DNAI1: variants seen among roughly 807,000 people sequenced by gnomAD.
DNAI1 encodes the protein dynein axonemal intermediate chain 1.
DNAI1 carries 67 observed loss-of-function variants against 92.0 expected under a neutral mutation model. The observed-to-expected ratio is 0.73, with a 90% CI of 0.60 to 0.89. The LOEUF (loss-of-function observed/expected upper bound fraction) is 0.89. Among genes scored for constraint, DNAI1 ranks in the 40% least tolerant of loss-of-function variants. The pLI, the probability that DNAI1 is intolerant of heterozygous loss-of-function variation, is 0.00. For synonymous variants in DNAI1, 323 were observed against 319.6 expected (o/e 1.01, Z -0.11); for missense variants, 839 against 866.6 (o/e 0.97, Z 0.40).
At chr9:34,465,133 A>C (rs1824014052) in intron 1 of DNAI1, among the ~76,000 whole-genome samples, 1 of 152,238 alleles carries the variant, frequency 6.6e-6, no homozygotes, top group Non-Finnish European at 1.5e-5. Flanking sequence ...GGAAAGGACA[A>C]TTTCAGAGTG....
chr9:34,495,144 T>C (rs1824694361), intron 9 of DNAI1, among the ~76,000 whole-genome samples: 1 of 152,314 alleles, frequency 6.6e-6, no homozygotes, highest in East Asian at 1.9e-4. Flanking sequence ...ATTTGTCTGA[T>C]CTGAATAATT....
chr9:34,491,207 G>T (rs192320015), intron 7 of DNAI1: 2 of 508,624 alleles, frequency 3.9e-6, no homozygotes, highest in Admixed American at 6.4e-5. Context: ...CATCCTGCAG[G>T]TCTGTTCATC....
intron 1 of DNAI1, among the ~76,000 whole-genome samples, chr9:34,468,655 C>T (rs1259445219): frequency 3.3e-5 from 5 of 151,772 alleles, no homozygotes; most frequent in South Asian, 2.1e-4. Context: ...AAAAAAACCT[C>T]GTCTCTACAA....
intron 15 of DNAI1, among the ~76,000 whole-genome samples, chr9:34,512,653 T>C (rs185655360): frequency 6.6e-6 from 1 of 152,362 alleles, no homozygotes; most frequent in African/African-American, 2.4e-5. Context: ...TGTTCCTGTT[T>C]ATGCAGATCA....
intron 16 of DNAI1, among the ~76,000 whole-genome samples, chr9:34,513,709 A>G (rs1825116705): frequency 6.6e-6 from 1 of 152,148 alleles, no homozygotes; most frequent in Non-Finnish European, 1.5e-5. Flanking sequence ...CAGAATGTTA[A>G]TTACAGGCAG....
At chr9:34,499,920 A>G (rs529469490) in intron 10 of DNAI1, among the ~76,000 whole-genome samples, 17 of 152,274 alleles carry the variant, frequency 1.1e-4, no homozygotes, top group African/African-American at 4.1e-4. Flanking sequence ...TTGTACTCAC[A>G]CTGGTTGTTC....
chr9:34,497,210 AAG>A lies in DNAI1; in HGVS notation c.901+12_901+13del, dbSNP rs758674810. 6.2e-7 allele frequency: 1 copy of A among 1,606,074 alleles called. No homozygotes were observed. Among genetic ancestry groups the A allele is most frequent in the South Asian group, 1.1e-5 (1 of 90,932 alleles). ...ATGACATTGCTCAAGGTAAGAGTTG[AAG>A]TTCTGGCAACCACTATTATTGCCTG... On this transcript the variant is annotated intron_variant, in intron 10 of 19. Coordinates refer to ENST00000242317, the MANE Select transcript of DNAI1 (RefSeq NM_012144.4).
chr9:34,514,795 C>G, intron 18 of DNAI1, 56 bp downstream of exon 18: 1 of 1,571,026 alleles, frequency 6.4e-7, no homozygotes, highest in Admixed American at 1.7e-5. Context: ...GGTGTGTTAT[C>G]TCAGGGGCTT....
At chr9:34,480,038 A>C (rs565255988) in intron 1 of DNAI1, among the ~76,000 whole-genome samples, 1 of 152,138 alleles carries the variant, frequency 6.6e-6, no homozygotes, top group Non-Finnish European at 1.5e-5. Context: ...CCAAGATCAC[A>C]CAAGTGGTCA....
chr9:34,489,931 G>A lies in DNAI1; in HGVS notation c.389-81G>A, dbSNP rs971990991. On this transcript the variant is annotated intron_variant, in intron 5 of 19. Coordinates refer to ENST00000242317, the MANE Select transcript of DNAI1 (RefSeq NM_012144.4). ...ACACTCAGGCCAAGGAAAACCCCAG[G>A]CAGAAACCAAGAAAGCCCTCCCTGC... 3.2e-6 allele frequency: 5 copies of A among 1,572,308 alleles called. No individual in the cohort carries two copies. The African/African-American group carries it at 5.4e-5, about 17-fold the overall frequency.
At position 34,517,429 on chromosome 9, in the gene DNAI1, A is replaced by G. The variant is rs961247679; in HGVS notation, c.1963A>G (p.Ser655Gly). ...IVGDDRGHII[S>G]LKLSPNLRKM... ...GGGCGATGACCGTGGGCACATCATC[A>G]GCCTCAAGCTCTCACCCAATTTGCG... Residue 655 changes from serine to glycine, a missense_variant, in exon 19 of 20, where the codon AGC becomes GGC. Physicochemically the swap from Ser to Gly is moderately conservative, Grantham distance 56. Coordinates refer to ENST00000242317, the MANE Select transcript of DNAI1 (RefSeq NM_012144.4). 1 of 1,614,208 alleles carries G rather than the reference A, an allele frequency of 6.2e-7. No individual in the cohort carries two copies. The highest frequency in any genetic ancestry group is 8.5e-7 in the Non-Finnish European group (1 of 1,180,048).
chr9:34,477,777 A>C (rs1824265463), intron 1 of DNAI1, among the ~76,000 whole-genome samples: 1 of 152,104 alleles, frequency 6.6e-6, no homozygotes, highest in Non-Finnish European at 1.5e-5. Flanking sequence ...GTGGCAGTTT[A>C]GGGTGAAAAA....
At chr9:34,512,530 T>G in intron 15 of DNAI1, 106 bp downstream of exon 15, 8 of 1,113,332 alleles carry the variant, frequency 7.2e-6, no homozygotes. Flanking sequence ...CTCCCCAACC[T>G]GTGCCAGGGC....
intron 4 of DNAI1, among the ~76,000 whole-genome samples, chr9:34,487,332 C>CCCG: frequency 6.6e-6 from 1 of 152,132 alleles, no homozygotes; most frequent in South Asian, 2.1e-4. Flanking sequence ...ACTACAGGCG[C>CCCG]CCGCCACCAC....
chr9:34,513,595 C>T (rs541273695), intron 16 of DNAI1, among the ~76,000 whole-genome samples: 4 of 152,306 alleles, frequency 2.6e-5, no homozygotes, highest in East Asian at 1.9e-4. Flanking sequence ...TGGAACCTCA[C>T]GGTCAGTTTC....
At chr9:34,482,787 G>A (rs574339879) in intron 1 of DNAI1, among the ~76,000 whole-genome samples, 143 of 152,386 alleles carry the variant, frequency 9.4e-4, no homozygotes, top group Middle Eastern at 3.4e-3. Context: ...TTGGGTGGTC[G>A]ATGGGACTGG....
intron 18 of DNAI1, 114 bp downstream of exon 18, chr9:34,514,853 G>T (rs1248052760): frequency 1.7e-6 from 2 of 1,149,638 alleles, no homozygotes; most frequent in Non-Finnish European, 2.6e-6. Context: ...GAGAAGGCGG[G>T]ACATAAGGAC....
intron 1 of DNAI1, among the ~76,000 whole-genome samples, chr9:34,471,322 G>T (rs1050386443): frequency 1.3e-5 from 2 of 151,954 alleles, no homozygotes; most frequent in African/African-American, 4.8e-5. Flanking sequence ...CTACTTGAGA[G>T]GCTGAGGTGG....
At chr9:34,512,894 C>T (rs181564132) in intron 15 of DNAI1, among the ~76,000 whole-genome samples, 91 of 152,344 alleles carry the variant, frequency 6.0e-4, no homozygotes, top group African/African-American at 2.0e-3. Context: ...AACCCCTGGC[C>T]GTTTGCAGAA....
Sources: gnomAD v4.1 joint callset for allele counts (sites outside exome capture counted in the v4.1 genomes callset) on GRCh38, gnomAD v4.1.1 for gene constraint, MANE v1.5 for transcripts, NCBI Gene and HGNC (gene_info 2026-07-23, HGNC 2026-07-21) for gene names.